Variants in SAMD4A observed in about 807,000 individuals in gnomAD.
The protein encoded by SAMD4A is sterile alpha motif domain containing 4A.
In SAMD4A, 33 loss-of-function variants were observed where a neutral mutation model predicts 81.3. The observed-to-expected ratio is 0.41, with a 90% CI of 0.31 to 0.54. SAMD4A has a LOEUF of 0.54. Among genes scored for constraint, SAMD4A ranks in the 20% least tolerant of loss-of-function variants. SAMD4A has a pLI of 0.37. For missense variants in SAMD4A, 854 were observed against 951.1 expected (o/e 0.90, Z 1.34); for synonymous variants, 389 against 382.1 (o/e 1.02, Z -0.21).
chr14:54,711,169 A>C (rs2036981110), intron 3 of SAMD4A, among the ~76,000 whole-genome samples: 1 of 152,236 alleles, frequency 6.6e-6, no homozygotes, highest in Non-Finnish European at 1.5e-5. Context: ...CAAAATAAAC[A>C]AGAAAATGTC....
At chr14:54,644,429 C>A (rs2035241207) in intron 2 of SAMD4A, among the ~76,000 whole-genome samples, 1 of 152,170 alleles carries the variant, frequency 6.6e-6, no homozygotes, top group African/African-American at 2.4e-5. Flanking sequence ...AGGCACCTGG[C>A]TATGTACTTG....
rs370782506 is a variant in SAMD4A at position 54,764,432 on chromosome 14, T to G, written c.1511-23T>G. 2.0e-5 allele frequency: 30 copies of G among 1,526,852 alleles called. No individual in the cohort carries two copies. In the African/African-American group the frequency reaches 3.5e-4, roughly 18 times the overall value. 94.6% of individuals were successfully genotyped at this position (1,526,852 alleles called of 1,614,324 possible). ...TTAGAAAGGGGTGCATTTTTCTAAT[T>G]CATCTTTTCTTTTTAATTACAGTGT... On this transcript the variant is annotated intron_variant, in intron 7 of 12. Transcript: ENST00000554335.
At chr14:54,597,220 G>A (rs1292977517) in intron 2 of SAMD4A, among the ~76,000 whole-genome samples, 2 of 151,300 alleles carry the variant, frequency 1.3e-5, no homozygotes, top group Non-Finnish European at 2.9e-5. Flanking sequence ...GCTTCAGTTT[G>A]CCTCAATCCC....
rs552449757 is a variant in SAMD4A, at chr14:54,632,734, C to T, written c.196+64622C>T. Among the ~76,000 whole-genome samples the T allele has an allele frequency of 2.6e-5, 4 of 152,328 alleles. No individual in the cohort carries two copies. In the South Asian group the frequency reaches 6.2e-4, roughly 24 times the overall value. On this transcript the variant is annotated intron_variant, in intron 2 of 12. Transcript: ENST00000554335. ...ACCAAGAACCTGTGGTCTGAATCCT[C>T]AATTTACCACTTATTAGCTATGCAT...
chr14:54,593,512 T>C (rs2033835976), intron 2 of SAMD4A, among the ~76,000 whole-genome samples: 1 of 152,226 alleles, frequency 6.6e-6, no homozygotes, highest in Non-Finnish European at 1.5e-5. Context: ...TGATATTTAC[T>C]TTCTAGGTGA....
At chr14:54,777,532 G>GAGCTGT (rs1339268411) in intron 11 of SAMD4A, among the ~76,000 whole-genome samples, 1 of 152,214 alleles carries the variant, frequency 6.6e-6, no homozygotes, top group Non-Finnish European at 1.5e-5. Flanking sequence ...TGGACCCAGG[G>GAGCTGT]AGCTGTAAAG....
chr14:54,609,453 AAAGTGTGTTATTTT>A (rs1362024525), intron 2 of SAMD4A, among the ~76,000 whole-genome samples: 1 of 152,222 alleles, frequency 6.6e-6, no homozygotes, highest in East Asian at 1.9e-4. Flanking sequence ...TAAGATAATA[AAAGTGTGTTATTTT>A]AAGCCACTAA....
intron 2 of SAMD4A, among the ~76,000 whole-genome samples, chr14:54,700,510 T>C (rs1325244363): frequency 1.3e-5 from 2 of 152,196 alleles, no homozygotes; most frequent in Non-Finnish European, 2.9e-5. Context: ...ACTGGGCTTG[T>C]TTTGTTATGT....
At chr14:54,580,403 C>T (rs1255407173) in intron 2 of SAMD4A, among the ~76,000 whole-genome samples, 1 of 152,138 alleles carries the variant, frequency 6.6e-6, no homozygotes, top group Non-Finnish European at 1.5e-5. Context: ...GTGATTAGCC[C>T]TCGTATTTTG....
At chr14:54,634,262 G>A (rs1310171987) in intron 2 of SAMD4A, among the ~76,000 whole-genome samples, 3 of 128,830 alleles carry the variant, frequency 2.3e-5, no homozygotes, top group Non-Finnish European at 4.9e-5. Flanking sequence ...CTCCAGCCCG[G>A]GCGACAGAGC....
chr14:54,694,986 G>C, intron 2 of SAMD4A: 1 of 930,916 alleles, frequency 1.1e-6, no homozygotes, highest in Non-Finnish European at 1.3e-6. Flanking sequence ...TGCCTTTTGA[G>C]GATGGTCAGA....
intron 2 of SAMD4A, among the ~76,000 whole-genome samples, chr14:54,606,151 A>G (rs2034193526): frequency 6.6e-6 from 1 of 151,392 alleles, no homozygotes; most frequent in African/African-American, 2.4e-5. Context: ...TTACAAGGAA[A>G]AGAGCTCATT....
At chr14:54,581,570 A>G (rs2033469643) in intron 2 of SAMD4A, among the ~76,000 whole-genome samples, 2 of 152,220 alleles carry the variant, frequency 1.3e-5, no homozygotes, top group African/African-American at 4.8e-5. Flanking sequence ...CTCTTCAAGT[A>G]TGAAGGACTC....
intron 10 of SAMD4A, among the ~76,000 whole-genome samples, chr14:54,775,880 G>C (rs1052364083): frequency 6.6e-6 from 1 of 151,960 alleles, no homozygotes; most frequent in East Asian, 1.9e-4. Context: ...CCCATCTTCT[G>C]ACCATTGTCC....
At chr14:54,595,674 T>A (rs2033893477) in intron 2 of SAMD4A, among the ~76,000 whole-genome samples, 1 of 152,180 alleles carries the variant, frequency 6.6e-6, no homozygotes, top group Admixed American at 6.5e-5. Flanking sequence ...AAGTGTTGAA[T>A]GGGGTTAACT....
intron 9 of SAMD4A, among the ~76,000 whole-genome samples, chr14:54,772,538 T>G (rs549095206): frequency 1.3e-5 from 2 of 152,248 alleles, no homozygotes; most frequent in South Asian, 2.1e-4. Flanking sequence ...ATCCCTCCTT[T>G]CTCCAGTGAC....
At chr14:54,607,457 A>ATT (rs541264095) in intron 2 of SAMD4A, among the ~76,000 whole-genome samples, 41 of 138,462 alleles carry the variant, frequency 3.0e-4, no homozygotes, top group East Asian at 8.8e-4. Context: ...TCAAGGTCTC[A>ATT]TTTTTTTTTT....
chr14:54,765,177 G>C (rs1233872788), intron 8 of SAMD4A, among the ~76,000 whole-genome samples: 1 of 152,086 alleles, frequency 6.6e-6, no homozygotes, highest in African/African-American at 2.4e-5. Flanking sequence ...TAGGGAGAGG[G>C]AGTTGCACCT....
chr14:54,741,642 T>C (rs183089648), intron 4 of SAMD4A, among the ~76,000 whole-genome samples: 1 of 152,238 alleles, frequency 6.6e-6, no homozygotes, highest in Non-Finnish European at 1.5e-5. Context: ...GCTATGAAAA[T>C]ATGCTGTCTT....
Sources: allele counts gnomAD v4.1 joint callset (sites outside exome capture counted in the v4.1 genomes callset), GRCh38; gene constraint gnomAD v4.1.1; transcripts MANE v1.5; gene names NCBI Gene and HGNC (gene_info 2026-07-23, HGNC 2026-07-21).